Variants in TIRAP observed in about 807,000 individuals in gnomAD.
TIRAP encodes toll/interleukin-1 receptor domain-containing adapter protein.
A neutral mutation model predicts 19.8 loss-of-function variants in TIRAP; 20 were observed. The observed-to-expected ratio is 1.01, with a 90% CI of 0.71 to 1.47. The LOEUF is 1.47. Among genes scored for constraint, TIRAP ranks in the 40% most tolerant of loss-of-function variants. The pLI is 0.00. For missense variants in TIRAP, 276 were observed against 285.1 expected, an observed-to-expected ratio of 0.97 and a Z score of 0.23; for synonymous variants, 125 against 121.7, an observed-to-expected ratio of 1.03 and a Z score of -0.18.
rs595022 is a variant in TIRAP, at chr11:126,287,084, C to T, written c.-216-3378C>T. On this transcript the variant is annotated intron_variant, in intron 1 of 4. Coordinates refer to ENST00000392679, the MANE Select transcript of TIRAP (RefSeq NM_001318777.2). The surrounding 1 kb of genome is among the most constrained non-coding windows in gnomAD (Gnocchi z 4.2). The stretch of plus-strand genomic sequence containing the variant: ...TCACAAGGTTCTTAATCACAGCTGC[C>T]GAATCCCCTTTTGCCACGGAAGGTA... Among the ~76,000 whole-genome samples, 36,587 of 152,098 alleles carry T rather than the reference C, an allele frequency of 0.24. 5,577 individuals carry two copies. The highest frequency in any genetic ancestry group is 0.64 in the East Asian group (3,298 of 5,174).
In TIRAP at chr11:126,292,584, C is replaced by T. The variant is rs1317071415; in HGVS notation, c.175C>T (p.Pro59Ser). Residue 59 changes from proline to serine, a missense_variant, in exon 4 of 5, where the codon CCA (proline) becomes TCA (serine). By Grantham distance (74) the Pro-to-Ser change is moderately conservative. Coordinates refer to ENST00000392679, the MANE Select transcript of TIRAP (RefSeq NM_001318777.2). ...TACCTCACAGGACAGCCCACTACCC[C>T]CAAGCCTCAGCTCAGTCACGTCTCC... is the stretch of plus-strand genomic sequence containing the variant. ...QPTSQDSPLPPSLSSVTSPSL... is the reference protein window; with the variant it reads ...QPTSQDSPLPSSLSSVTSPSL... 1 of 1,614,206 alleles carries T rather than the reference C, an allele frequency of 6.2e-7. No homozygotes were observed. The highest frequency in any genetic ancestry group is 8.5e-7 in the Non-Finnish European group (1 of 1,180,038).
At chr11:126,286,702 T>C (rs908531365) in intron 1 of TIRAP, among the ~76,000 whole-genome samples, 14 of 152,260 alleles carry the variant, frequency 9.2e-5, no homozygotes, top group Non-Finnish European at 1.5e-4. Context: ...GACCAGGTTT[T>C]AGCACTCAAC....
chr11:126,290,637 A>G lies in TIRAP; in HGVS notation c.-93+52A>G, dbSNP rs1457930680. 1.6e-6 allele frequency: 2 copies of G among 1,276,684 alleles called. No individual in the cohort carries two copies. The highest frequency in any genetic ancestry group is 1.6e-5 in the African/African-American group (1 of 64,058). The allele number at this position is 1,276,684 out of a possible 1,614,324, so 79.1% of individuals were successfully genotyped here. The stretch of plus-strand genomic sequence containing the variant: ...TGGCTTTATCTAGAATCCAGCTCCA[A>G]TCACAGTCGTGTCTGGCCCTAATCT... On this transcript the variant is annotated intron_variant, in intron 2 of 4. Transcript: ENST00000392679. This position sits in a 1 kb window ranked among gnomAD's most constrained non-coding sequence, Gnocchi z 4.9.
chr11:126,285,007 G>C (rs1951302829), intron 1 of TIRAP, among the ~76,000 whole-genome samples: 1 of 151,958 alleles, frequency 6.6e-6, no homozygotes, highest in Admixed American at 6.6e-5. Context: ...ACCACTACTT[G>C]ATAGTCTTTT....
intron 1 of TIRAP, among the ~76,000 whole-genome samples, chr11:126,283,418 G>A (rs2135279279): frequency 6.6e-6 from 1 of 152,396 alleles, no homozygotes; most frequent in Middle Eastern, 3.4e-3. Flanking sequence ...CTCGCGCGGG[G>A]CGGCTCCCCT....
At chr11:126,285,830 G>A (rs958341329) in intron 1 of TIRAP, among the ~76,000 whole-genome samples, 2 of 151,254 alleles carry the variant, frequency 1.3e-5, no homozygotes, top group Non-Finnish European at 2.9e-5. Context: ...TTGAGGCCAC[G>A]AGTTAGGAGA....
chr11:126,292,697 C>T lies in TIRAP; in HGVS notation c.288C>T (p.Asp96=). The change falls in exon 4 of 5, where the codon GAC becomes GAT. Residue 96 remains aspartate (D), a synonymous_variant. Transcript: ENST00000392679. ...YDVCVCHSEE[D]LVAAQDLVSY... ...TCTGCGTGTGCCACAGTGAGGAAGA[C>T]CTGGTGGCCGCCCAGGACCTGGTCT... is the stretch of plus-strand genomic sequence containing the variant. 6.2e-7 allele frequency: 1 copy of T among 1,613,868 alleles called. No individual in the cohort carries two copies. The highest frequency in any genetic ancestry group is 1.3e-5 in the African/African-American group (1 of 75,058).
rs1951347871 is a variant in TIRAP at position 126,288,644 on chromosome 11, G to GC, written c.-216-1817dup. The GC allele has an allele frequency of 6.6e-6, 1 of 152,152 alleles. No individual in the cohort carries two copies. The highest frequency in any genetic ancestry group is 2.1e-4 in the South Asian group (1 of 4,818). The allele number at this position is 152,152 out of a possible 1,614,324, so 9.4% of individuals were successfully genotyped here. ...GGCTTATACCACCGCACTTCTGGTG[G>GC]CATATACTGCTGGACAACTGGATTT... On this transcript the variant is annotated intron_variant, in intron 1 of 4. Transcript: ENST00000392679. This position sits in a 1 kb window ranked among gnomAD's most constrained non-coding sequence, Gnocchi z 5.0.
intron 1 of TIRAP, among the ~76,000 whole-genome samples, chr11:126,284,206 G>A (rs1951290195): frequency 6.6e-6 from 1 of 151,888 alleles, no homozygotes; most frequent in Non-Finnish European, 1.5e-5. Flanking sequence ...GCTAATTGTT[G>A]CATTTTCAGT....
chr11:126,293,971 G>A lies in TIRAP; in HGVS notation c.*284G>A. Reference sequence around the variant, plus strand: ...GACTCCCCAAGAAGGCCATGAGGAAGCCAGAAATTGGAGGTGGTAGGAAGT... The same window carrying A: ...GACTCCCCAAGAAGGCCATGAGGAAACCAGAAATTGGAGGTGGTAGGAAGT... On this transcript the variant is annotated 3_prime_UTR_variant, in exon 5 of 5. Coordinates refer to ENST00000392679, the MANE Select transcript of TIRAP (RefSeq NM_001318777.2). The A allele has an allele frequency of 2.0e-6, 1 of 495,344 alleles. No homozygotes were observed. Among genetic ancestry groups the A allele is most frequent in the African/African-American group, 1.9e-5 (1 of 51,850 alleles). The allele number at this position is 495,344 out of a possible 1,614,324, so 30.7% of individuals were successfully genotyped here.
At position 126,291,110 on chromosome 11, in the gene TIRAP, A is replaced by G; in HGVS notation, c.67+149A>G. 1 of 1,009,610 alleles carries G rather than the reference A, an allele frequency of 9.9e-7. No individual in the cohort carries two copies. Among genetic ancestry groups the G allele is most frequent in the Non-Finnish European group, 1.4e-6 (1 of 701,174 alleles). The allele number at this position is 1,009,610 out of a possible 1,614,324, so 62.5% of individuals were successfully genotyped here. A position where few individuals can be genotyped will look rare whatever the true frequency, so the allele number is the denominator to read the frequency against. Reference sequence around the variant, plus strand: ...CTCCTGACCTGAATTCAGGGCCTGGATGCTTTGTGGAGAGTGAGGAGGGGA... The same window carrying G: ...CTCCTGACCTGAATTCAGGGCCTGGGTGCTTTGTGGAGAGTGAGGAGGGGA... On this transcript the variant is annotated intron_variant, in intron 3 of 4. Coordinates refer to ENST00000392679, the MANE Select transcript of TIRAP (RefSeq NM_001318777.2). The surrounding 1 kb of genome is among the most constrained non-coding windows in gnomAD (Gnocchi z 5.6).
At chr11:126,284,352 G>C (rs898829300) in intron 1 of TIRAP, among the ~76,000 whole-genome samples, 3 of 152,144 alleles carry the variant, frequency 2.0e-5, no homozygotes, top group Non-Finnish European at 4.4e-5. Flanking sequence ...ACTCTTACGT[G>C]TGTGACGTCT....
rs1160225812 is a variant in TIRAP at position 126,287,331 on chromosome 11, T to A, written c.-216-3131T>A. 1.3e-5 allele frequency among the ~76,000 whole-genome samples: 2 copies of A among 151,436 alleles called. No individual in the cohort carries two copies. Among genetic ancestry groups the A allele is most frequent in the South Asian group, 2.1e-4 (1 of 4,776 alleles). ...AATACACTTTGGATTTTTTTTTTTTTATTTTTGAGACTTGAGTCTTGCTCT... is the reference window on the plus strand; with the variant it reads ...AATACACTTTGGATTTTTTTTTTTTAATTTTTGAGACTTGAGTCTTGCTCT... On this transcript the variant is annotated intron_variant, in intron 1 of 4. Transcript: ENST00000392679. This position sits in a 1 kb window ranked among gnomAD's most constrained non-coding sequence, Gnocchi z 4.2.
intron 1 of TIRAP, among the ~76,000 whole-genome samples, chr11:126,284,153 C>T (rs1951289152): frequency 6.6e-6 from 1 of 151,112 alleles, no homozygotes; most frequent in African/African-American, 2.4e-5. Context: ...TCTCCTGCCT[C>T]CTCCCGAGTA....
At chr11:126,285,260 T>TATATATATAAAA (rs773653398) in intron 1 of TIRAP, among the ~76,000 whole-genome samples, 4 of 135,454 alleles carry the variant, frequency 3.0e-5, no homozygotes, top group African/African-American at 1.1e-4. Flanking sequence ...TATATATATA[T>TATATATATAAAA]AATATATATT....
At chr11:126,289,405 G>A (rs1165372734) in intron 1 of TIRAP, among the ~76,000 whole-genome samples, 1 of 152,136 alleles carries the variant, frequency 6.6e-6, no homozygotes, top group Non-Finnish European at 1.5e-5. Flanking sequence ...AGCCTCCCAA[G>A]TAGCTGGGAT....
chr11:126,286,182 T>A (rs1368787883), intron 1 of TIRAP, among the ~76,000 whole-genome samples: 1 of 151,454 alleles, frequency 6.6e-6, no homozygotes, highest in Non-Finnish European at 1.5e-5. Flanking sequence ...CTGGTCAACA[T>A]GGTAAAACCT....
chr11:126,288,851 A>G lies in TIRAP; in HGVS notation c.-216-1611A>G, dbSNP rs1951350565. Among the ~76,000 whole-genome samples, 1 of 152,236 alleles carries G rather than the reference A, an allele frequency of 6.6e-6. No homozygotes were observed. Among genetic ancestry groups the G allele is most frequent in the African/African-American group, 2.4e-5 (1 of 41,458 alleles). Reference sequence around the variant, plus strand: ...AAATCAAATGATGCTCTAGTTTACAAGTGCACCAAGGCCAAATAATTAATA... The same window carrying G: ...AAATCAAATGATGCTCTAGTTTACAGGTGCACCAAGGCCAAATAATTAATA... On this transcript the variant is annotated intron_variant, in intron 1 of 4. Coordinates refer to ENST00000392679, the MANE Select transcript of TIRAP (RefSeq NM_001318777.2). This position sits in a 1 kb window ranked among gnomAD's most constrained non-coding sequence, Gnocchi z 5.0.
In TIRAP at chr11:126,291,175, C is replaced by A; in HGVS notation, c.67+214C>A. 1.5e-6 allele frequency: 1 copy of A among 677,936 alleles called. No individual in the cohort carries two copies. The highest frequency in any genetic ancestry group is 2.0e-5 in the South Asian group (1 of 50,568). The allele number at this position is 677,936 out of a possible 1,614,324, so 42.0% of individuals were successfully genotyped here. A position where few individuals can be genotyped will look rare whatever the true frequency, so the allele number is the denominator to read the frequency against. ...CAGCCAGATCTTTATCCTTTTGGCT[C>A]AAAGGTTTTCCAGGCCTGCTCAGCT... is the stretch of plus-strand genomic sequence containing the variant. On this transcript the variant is annotated intron_variant, in intron 3 of 4. Coordinates refer to ENST00000392679, the MANE Select transcript of TIRAP (RefSeq NM_001318777.2). The surrounding 1 kb of genome is among the most constrained non-coding windows in gnomAD (Gnocchi z 5.6).
Sources: allele counts gnomAD v4.1 joint callset (sites outside exome capture counted in the v4.1 genomes callset), GRCh38; gene constraint gnomAD v4.1.1; non-coding constraint Gnocchi (gnomAD v3.1); transcripts MANE v1.5; gene names NCBI Gene and HGNC (gene_info 2026-07-23, HGNC 2026-07-21).